VAX2: variants seen among roughly 807,000 people sequenced by gnomAD.
VAX2 encodes ventral anterior homeobox 2.
VAX2 carries 8 observed loss-of-function variants against 12.5 expected under a neutral mutation model. The ratio of observed to expected loss-of-function variants is 0.64; its 90% confidence interval spans 0.37 to 1.15. The LOEUF is 1.15. VAX2 is among the 50% of genes most tolerant of loss of function. VAX2 has a pLI of 0.01. For missense variants in VAX2, 476 were observed against 412.9 expected (o/e 1.15, Z -1.32); for synonymous variants, 183 against 187.6 (o/e 0.98, Z 0.20).
chr2:70,925,620 C>G (rs1195212827), intron 2 of VAX2, among the ~76,000 whole-genome samples: 1 of 152,142 alleles, frequency 6.6e-6, no homozygotes, highest in Non-Finnish European at 1.5e-5. Context: ...CTGAGAGTCT[C>G]TGTCAGAGCT....
chr2:70,914,866 A>C (rs1468465610), intron 1 of VAX2, among the ~76,000 whole-genome samples: 2 of 149,164 alleles, frequency 1.3e-5, no homozygotes, highest in African/African-American at 5.0e-5. Flanking sequence ...CAACGGTGCG[A>C]TCTTGGCTCA....
intron 1 of VAX2, among the ~76,000 whole-genome samples, chr2:70,905,748 T>G (rs1198081898): frequency 1.3e-5 from 2 of 151,894 alleles, no homozygotes; most frequent in Non-Finnish European, 2.9e-5. Flanking sequence ...GGAGGCCAAA[T>G]CCTTTGGAAG....
intron 1 of VAX2, among the ~76,000 whole-genome samples, chr2:70,909,581 C>T (rs1389751853): frequency 6.6e-6 from 1 of 151,928 alleles, no homozygotes; most frequent in African/African-American, 2.4e-5. Flanking sequence ...ACCTTCCAAA[C>T]TTTACCTAGT....
At chr2:70,932,254 T>A (rs533455835) in intron 2 of VAX2, among the ~76,000 whole-genome samples, 339 of 152,272 alleles carry the variant, frequency 2.2e-3, no homozygotes, top group African/African-American at 7.6e-3. Context: ...AGGACAGAGC[T>A]GCACATGTGG....
At chr2:70,925,412 A>G (rs1553413403) in intron 2 of VAX2, among the ~76,000 whole-genome samples, 1 of 152,184 alleles carries the variant, frequency 6.6e-6, no homozygotes, top group Non-Finnish European at 1.5e-5. Flanking sequence ...GGGCAAGGGA[A>G]AGGAAGTGGT....
At chr2:70,918,462 G>T (rs1323693549) in intron 1 of VAX2, among the ~76,000 whole-genome samples, 7 of 152,178 alleles carry the variant, frequency 4.6e-5, no homozygotes, top group Admixed American at 3.9e-4. Context: ...ATCACAAGGA[G>T]CCTCCTGCCA....
Position 70,900,764 on chromosome 2 carries a change from G to A in VAX2, c.143G>A (p.Gly48Glu). The A allele has an allele frequency of 6.7e-7, 1 of 1,493,230 alleles. No homozygotes were observed. The highest frequency in any genetic ancestry group is 8.9e-7 in the Non-Finnish European group (1 of 1,121,602). 92.5% of individuals were successfully genotyped at this position (1,493,230 alleles called of 1,614,324 possible). A position where few individuals can be genotyped will look rare whatever the true frequency, so the allele number is the denominator to read the frequency against. Residue 48 changes from glycine (G) to glutamate (E), a missense_variant, in exon 1 of 3, where the codon GGG becomes GAG. Coordinates refer to ENST00000234392, the MANE Select transcript of VAX2 (RefSeq NM_012476.3). ...GGCCACAGCCCAACGGAGGTGGCCGGGACCTCAGCCTCCAGTCCCGCAGGC... is the reference window on the plus strand; with the variant it reads ...GGCCACAGCCCAACGGAGGTGGCCGAGACCTCAGCCTCCAGTCCCGCAGGC... Reference protein sequence around the residue: ...GGGHSPTEVAGTSASSPAGSR... With the variant: ...GGGHSPTEVAETSASSPAGSR...
chr2:70,907,346 CCGGCTTT>C (rs369292100), intron 1 of VAX2, among the ~76,000 whole-genome samples: 151 of 152,372 alleles, frequency 9.9e-4, no homozygotes, highest in African/African-American at 3.4e-3. Context: ...GGTGAGTCTC[CCGGCTTT>C]CGGCTTTCGG....
At chr2:70,932,652 CCATCCACCACCTG>C in intron 2 of VAX2, 102 bp from the exon 3 acceptor site, 1 of 207,534 alleles carries the variant, frequency 4.8e-6, no homozygotes, top group Non-Finnish European at 9.7e-6. Flanking sequence ...ACCCCCACCC[CCATCCACCACCTG>C]CCCCAACCCC....
intron 1 of VAX2, among the ~76,000 whole-genome samples, chr2:70,902,288 A>T (rs782278715): frequency 5.3e-5 from 8 of 152,234 alleles, no homozygotes; most frequent in Non-Finnish European, 1.2e-4. Context: ...TCCTGGTGCC[A>T]GATGTCACTG....
Position 70,919,044 on chromosome 2 carries a change from A to G in VAX2, c.248-2054A>G, listed in dbSNP as rs1344274464. Reference sequence around the variant, plus strand: ...TAGTGAAACCCTGTCTCTACCAAAAATACAAAAATTAGCCAGGCATGGTGG... The same window carrying G: ...TAGTGAAACCCTGTCTCTACCAAAAGTACAAAAATTAGCCAGGCATGGTGG... On this transcript the variant is annotated intron_variant, in intron 1 of 2. Coordinates refer to ENST00000234392, the MANE Select transcript of VAX2 (RefSeq NM_012476.3). Among the ~76,000 whole-genome samples, 19 of 151,130 alleles carry G rather than the reference A, an allele frequency of 1.3e-4. 1 individual carries two copies. Among genetic ancestry groups the G allele is most frequent in the Admixed American group, 1.3e-3 (19 of 15,172 alleles).
Position 70,913,450 on chromosome 2 carries a change from G to A in VAX2, c.248-7648G>A, listed in dbSNP as rs929699272. ...TAATCCCAGCACTTTGGGAGGCTGA[G>A]GCGGGGGGATCACTTGAGCCTTTTG... On this transcript the variant is annotated intron_variant, in intron 1 of 2. Coordinates refer to ENST00000234392, the MANE Select transcript of VAX2 (RefSeq NM_012476.3). Among the ~76,000 whole-genome samples, 7 of 152,324 alleles carry A rather than the reference G, an allele frequency of 4.6e-5. No individual in the cohort carries two copies. In the East Asian group the frequency reaches 1.2e-3, roughly 25 times the overall value.
At chr2:70,913,577 G>A (rs1174856693) in intron 1 of VAX2, among the ~76,000 whole-genome samples, 10 of 152,074 alleles carry the variant, frequency 6.6e-5, no homozygotes, top group Non-Finnish European at 1.2e-4. Flanking sequence ...TCAGGAGGCG[G>A]ATGCAGGAGA....
At chr2:70,906,428 G>A (rs1445069491) in intron 1 of VAX2, among the ~76,000 whole-genome samples, 3 of 151,950 alleles carry the variant, frequency 2.0e-5, no homozygotes, top group African/African-American at 7.3e-5. Flanking sequence ...CCTGGCGGAG[G>A]CTTGGGCTTG....
At chr2:70,908,918 C>T (rs1679124228) in intron 1 of VAX2, among the ~76,000 whole-genome samples, 1 of 152,222 alleles carries the variant, frequency 6.6e-6, no homozygotes, top group Non-Finnish European at 1.5e-5. Context: ...CCACACTGGA[C>T]ATTTTGTATC....
intron 2 of VAX2, among the ~76,000 whole-genome samples, chr2:70,926,372 AC>A (rs1366487894): frequency 1.3e-5 from 2 of 152,070 alleles, no homozygotes; most frequent in Admixed American, 1.3e-4. Context: ...CCCTCTGCCC[AC>A]CTTTGTCAGC....
chr2:70,912,322 T>C (rs1679203596), intron 1 of VAX2, among the ~76,000 whole-genome samples: 1 of 152,184 alleles, frequency 6.6e-6, no homozygotes, highest in African/African-American at 2.4e-5. Flanking sequence ...AGCAATCACA[T>C]TATATTTGTA....
Position 70,900,737 on chromosome 2 carries a change from G to T in VAX2, c.116G>T (p.Gly39Val). 2 of 1,431,838 alleles carry T rather than the reference G, an allele frequency of 1.4e-6. No homozygotes were observed. Among genetic ancestry groups the T allele is most frequent in the Non-Finnish European group, 1.8e-6 (2 of 1,086,728 alleles). The allele number at this position is 1,431,838 out of a possible 1,614,324, so 88.7% of individuals were successfully genotyped here. A position where few individuals can be genotyped will look rare whatever the true frequency, so the allele number is the denominator to read the frequency against. ...SGAGDLRADG[G>V]GHSPTEVAGT... ...GCGGGGGACTTGCGAGCTGATGGCG[G>T]TGGCCACAGCCCAACGGAGGTGGCC... The change falls in exon 1 of 3, where the codon GGT becomes GTT. Residue 39 changes from glycine to valine, a missense_variant. Coordinates refer to ENST00000234392, the MANE Select transcript of VAX2 (RefSeq NM_012476.3).
intron 2 of VAX2, among the ~76,000 whole-genome samples, chr2:70,928,375 T>A (rs1484518319): frequency 1.3e-5 from 2 of 152,330 alleles, no homozygotes; most frequent in African/African-American, 2.4e-5. Context: ...GGGTGAGGCA[T>A]GAGGCCCGGA....
Sources: allele counts gnomAD v4.1 joint callset (sites outside exome capture counted in the v4.1 genomes callset), GRCh38; gene constraint gnomAD v4.1.1; transcripts MANE v1.5; gene names NCBI Gene and HGNC (gene_info 2026-07-23, HGNC 2026-07-21).